Variants in SYCP1 observed in about 807,000 individuals in gnomAD.
The protein encoded by SYCP1 is synaptonemal complex protein 1, also known as cancer/testis antigen 8.
Under a neutral mutation model 153.1 loss-of-function variants are expected in SYCP1, and 64 were observed. The ratio of observed to expected loss-of-function variants is 0.42; its 90% confidence interval spans 0.34 to 0.51. SYCP1 has a LOEUF of 0.51. SYCP1 is among the 20% of genes least tolerant of loss of function. SYCP1 has a pLI of 0.06. For synonymous variants in SYCP1, 384 were observed against 341.8 expected, an observed-to-expected ratio of 1.12 and a Z score of -1.36; for missense variants, 997 against 1,049.0, an observed-to-expected ratio of 0.95 and a Z score of 0.68.
chr1:114,971,225 G>A (rs776030142), intron 27 of SYCP1, among the ~76,000 whole-genome samples: 1 of 152,134 alleles, frequency 6.6e-6, no homozygotes, highest in African/African-American at 2.4e-5. Context: ...ACCATCAGGT[G>A]GGGGCAGGGT....
At chr1:114,888,091 G>A (rs888650001) in intron 15 of SYCP1, among the ~76,000 whole-genome samples, 2 of 152,010 alleles carry the variant, frequency 1.3e-5, no homozygotes, top group African/African-American at 4.8e-5. Context: ...ACTATTCACA[G>A]GAAAATGTGA....
upstream of SYCP1, among the ~76,000 whole-genome samples, chr1:114,854,604 G>C (rs1663808556): frequency 6.6e-6 from 1 of 152,160 alleles, no homozygotes; most frequent in Non-Finnish European, 1.5e-5. Flanking sequence ...TTGCCCATCT[G>C]TTTCCTTCCT....
chr1:114,947,457 T>G, intron 27 of SYCP1, 137 bp downstream of exon 27: 1 of 621,736 alleles, frequency 1.6e-6, no homozygotes, highest in African/African-American at 1.9e-5. Context: ...CCCAGAAGCT[T>G]TTTTCTAGAA....
intron 9 of SYCP1, among the ~76,000 whole-genome samples, chr1:114,875,626 T>C (rs960257402): frequency 2.0e-5 from 3 of 152,132 alleles, no homozygotes; most frequent in Admixed American, 6.6e-5. Flanking sequence ...CAGTAATTAA[T>C]TAATTAATTA....
At position 114,926,327 on chromosome 1, in the gene SYCP1, A is replaced by G; in HGVS notation, c.1850A>G (p.Glu617Gly). ...GAAAATAAAAACAAGTATATTGAAG[A>G]ACTTCAGCAGGAGGTATGTATTTTT... ...QVENKNKYIE[E>G]LQQENKALKK... The change falls in exon 22 of 32, where the codon GAA (glutamate) becomes GGA (glycine). Residue 617 changes from glutamate to glycine, a missense_variant. This residue lies in a region of SYCP1 where 712 missense variants were observed against 682.9 expected (regional missense o/e 1.04). Transcript: ENST00000369522. 6.5e-7 allele frequency: 1 copy of G among 1,539,802 alleles called. No individual in the cohort carries two copies. Among genetic ancestry groups the G allele is most frequent in the Non-Finnish European group, 8.8e-7 (1 of 1,142,604 alleles).
intron 23 of SYCP1, among the ~76,000 whole-genome samples, chr1:114,935,907 T>A (rs1669967367): frequency 6.6e-6 from 1 of 152,144 alleles, no homozygotes; most frequent in Non-Finnish European, 1.5e-5. Flanking sequence ...GAGGCAATAA[T>A]TAGTAGCCTA....
intron 8 of SYCP1, among the ~76,000 whole-genome samples, chr1:114,865,222 A>AT (rs372212159): frequency 3.7e-4 from 55 of 149,346 alleles, no homozygotes; most frequent in South Asian, 1.1e-3. Context: ...CATTTCTGTG[A>AT]TTTTTTTTTT....
chr1:114,898,682 C>G (rs1413625572), intron 16 of SYCP1, among the ~76,000 whole-genome samples: 2 of 152,128 alleles, frequency 1.3e-5, no homozygotes, highest in Admixed American at 6.5e-5. Context: ...AAAAACAAAT[C>G]ATGATAGGAC....
At chr1:114,870,120 C>T (rs1236755530) in intron 8 of SYCP1, among the ~76,000 whole-genome samples, 1 of 152,032 alleles carries the variant, frequency 6.6e-6, no homozygotes, top group African/African-American at 2.4e-5. Context: ...CTCAAGCGAT[C>T]TTCTTACCTC....
At chr1:114,948,032 A>G (rs1408566760) in intron 27 of SYCP1, among the ~76,000 whole-genome samples, 1 of 151,812 alleles carries the variant, frequency 6.6e-6, no homozygotes, top group African/African-American at 2.4e-5. Flanking sequence ...AACGTTAGGT[A>G]TATCTCCTAA....
chr1:114,857,183 GA>G, intron 3 of SYCP1, 48 bp from the exon 4 acceptor site: 1 of 615,568 alleles, frequency 1.6e-6, no homozygotes, highest in Non-Finnish European at 2.5e-6. Flanking sequence ...AAAAAAGAAA[GA>G]GAAAAAGATG....
At chr1:114,858,836 T>C in intron 6 of SYCP1, 125 bp downstream of exon 6, 4 of 880,208 alleles carry the variant, frequency 4.5e-6, no homozygotes, top group Non-Finnish European at 6.9e-6. Flanking sequence ...TTAAGGATAA[T>C]GCTTTTTAAA....
intron 19 of SYCP1, among the ~76,000 whole-genome samples, 194 bp from the exon 20 acceptor site, chr1:114,913,781 T>C (rs1290622321): frequency 6.6e-6 from 1 of 152,042 alleles, no homozygotes; most frequent in Non-Finnish European, 1.5e-5. Context: ...AACTGTTATA[T>C]AGAGATTGTT....
chr1:114,942,724 T>C (rs1670462566), intron 23 of SYCP1, among the ~76,000 whole-genome samples: 1 of 151,870 alleles, frequency 6.6e-6, no homozygotes, highest in African/African-American at 2.4e-5. Context: ...CTTCAAAACA[T>C]TTGAAGAAGA....
chr1:114,866,274 G>T (rs1009848630), intron 8 of SYCP1, among the ~76,000 whole-genome samples: 3 of 152,034 alleles, frequency 2.0e-5, no homozygotes, highest in Admixed American at 1.3e-4. Flanking sequence ...TCCAAAGTGG[G>T]TGTACAATTT....
chr1:114,893,204 G>A (rs1666840902), intron 15 of SYCP1, among the ~76,000 whole-genome samples: 1 of 152,064 alleles, frequency 6.6e-6, no homozygotes, highest in Non-Finnish European at 1.5e-5. Context: ...TTAAACTTTC[G>A]TCTTACATTT....
intron 23 of SYCP1, among the ~76,000 whole-genome samples, chr1:114,943,303 A>G (rs192223060): frequency 6.6e-6 from 1 of 152,118 alleles, no homozygotes; most frequent in African/African-American, 2.4e-5. Context: ...AAGAACATTC[A>G]TAGCACTATT....
chr1:114,883,745 T>C (rs1455468472), intron 12 of SYCP1, among the ~76,000 whole-genome samples: 1 of 152,170 alleles, frequency 6.6e-6, no homozygotes, highest in East Asian at 1.9e-4. Flanking sequence ...CAGGCTGGAG[T>C]GCAGTGGTGC....
Position 114,887,633 on chromosome 1 carries a change from A to G in SYCP1, c.1198A>G (p.Lys400Glu). 3 of 1,558,570 alleles carry G rather than the reference A, an allele frequency of 1.9e-6. No homozygotes were observed. Among genetic ancestry groups the G allele is most frequent in the Non-Finnish European group, 2.6e-6 (3 of 1,148,028 alleles). The part of the protein sequence containing the change: ...LLRTEQQRLE[K>E]NEDQLKILTM... Reference sequence around the variant, plus strand: ...AATGATATATTTTACAAGATTGGAAAAAAATGAAGATCAATTGAAAATACT... The same window carrying G: ...AATGATATATTTTACAAGATTGGAAGAAAATGAAGATCAATTGAAAATACT... The change falls in exon 15 of 32, where the codon AAA (lysine) becomes GAA (glutamate). Residue 400 changes from lysine (K) to glutamate (E), a missense_variant. Transcript: ENST00000369522.
Sources: gnomAD v4.1 joint callset for allele counts (sites outside exome capture counted in the v4.1 genomes callset) on GRCh38, gnomAD v4.1.1 for gene constraint, gnomAD v4.1.1 regional missense constraint, MANE v1.5 for transcripts, NCBI Gene and HGNC (gene_info 2026-07-23, HGNC 2026-07-21) for gene names.